Variants in SV2C observed in about 807,000 individuals in gnomAD.
SV2C encodes the protein solute carrier family 22 member B3.
Under a neutral mutation model 79.7 loss-of-function variants are expected in SV2C, and 49 were observed. The ratio of observed to expected loss-of-function variants is 0.61; its 90% CI spans 0.49 to 0.78. The LOEUF is 0.78. SV2C is among the 30% of genes least tolerant of loss of function. SV2C has a pLI of 0.00. For missense variants in SV2C, 833 were observed against 912.9 expected, an observed-to-expected ratio of 0.91 and a Z score of 1.13; for synonymous variants, 334 against 333.2, an observed-to-expected ratio of 1.00 and a Z score of -0.03.
chr5:75,879,141 C>A, the SV2C span, among the ~76,000 whole-genome samples: 3 of 152,190 alleles, frequency 2.0e-5, no homozygotes, highest in Non-Finnish European at 2.9e-5. Context: ...CAAGGCCCCA[C>A]CTTCAACACC....
At chr5:76,172,274 G>A (rs1580326977) in intron 2 of SV2C, among the ~76,000 whole-genome samples, 3 of 107,202 alleles carry the variant, frequency 2.8e-5, no homozygotes, top group Non-Finnish European at 4.1e-5. Flanking sequence ...CAGCCGCCCC[G>A]TCCGGGAGGG....
chr5:76,201,839 A>C (rs1292679581), intron 3 of SV2C, among the ~76,000 whole-genome samples: 1 of 152,026 alleles, frequency 6.6e-6, no homozygotes, highest in African/African-American at 2.4e-5. Context: ...TAACATGGTG[A>C]AACCCCGTCT....
chr5:76,049,019 G>GAA, the SV2C span, among the ~76,000 whole-genome samples: 2 of 89,262 alleles, frequency 2.2e-5, no homozygotes, highest in Non-Finnish European at 4.4e-5. Context: ...AAGAAAGAAA[G>GAA]AAAGAAAAAG....
Position 76,300,911 on chromosome 5 carries a change from A to G in SV2C, c.1819A>G (p.Ile607Val), listed in dbSNP as rs1171062171. ...NIVSALLMDR[I>V]GRLTMLGGSM... ...TGTGTCTGCTCTGCTGATGGACAGA[A>G]TTGGGCGCTTAACAATGCTAGGTAT... The change falls in exon 11 of 13, where the codon ATT becomes GTT. Residue 607 changes from isoleucine to valine, a missense_variant. By Grantham distance (29) the Ile-to-Val change is conservative. Transcript: ENST00000502798. The G allele has an allele frequency of 6.2e-7, 1 of 1,614,116 alleles. No individual in the cohort carries two copies. The highest frequency in any genetic ancestry group is 1.1e-5 in the South Asian group (1 of 91,086).
At chr5:75,939,142 C>A in the SV2C span, among the ~76,000 whole-genome samples, 1 of 152,274 alleles carries the variant, frequency 6.6e-6, no homozygotes, top group South Asian at 2.1e-4. Flanking sequence ...TATACTCCAG[C>A]CCCAGCCTCC....
chr5:75,895,052 C>T, the SV2C span, among the ~76,000 whole-genome samples: 15 of 152,206 alleles, frequency 9.9e-5, no homozygotes, highest in East Asian at 1.2e-3. Flanking sequence ...CTGATCACTA[C>T]GCTTACCAAG....
chr5:76,240,936 A>G (rs1745764540), intron 4 of SV2C, among the ~76,000 whole-genome samples: 1 of 152,216 alleles, frequency 6.6e-6, no homozygotes, highest in Non-Finnish European at 1.5e-5. Flanking sequence ...TATTAAAAAT[A>G]CAAACTCCCA....
At chr5:76,010,914 TG>T in the SV2C span, among the ~76,000 whole-genome samples, 1 of 152,168 alleles carries the variant, frequency 6.6e-6, no homozygotes, top group South Asian at 2.1e-4. Flanking sequence ...ATTTTACTGG[TG>T]GGCTCATTGA....
Position 76,301,542 on chromosome 5 carries a change from G to C in SV2C, c.1997G>C (p.Arg666Pro). Residue 666 changes from arginine (R) to proline (P), a missense_variant, in exon 12 of 13, where the codon CGG becomes CCG. Physicochemically the swap from Arg to Pro is moderately radical, Grantham distance 103. Coordinates refer to ENST00000502798, the MANE Select transcript of SV2C (RefSeq NM_014979.4). ...ACTGTGGAACTGTACCCCACAGACC[G>C]GAGGTATGTTGAAATGGGCCTCTAG... is the stretch of plus-strand genomic sequence containing the variant. ...VVTVELYPTD[R>P]RATGFGFLNA... The C allele has an allele frequency of 6.2e-7, 1 of 1,611,930 alleles. No individual in the cohort carries two copies. The highest frequency in any genetic ancestry group is 8.5e-7 in the Non-Finnish European group (1 of 1,178,778).
downstream of SV2C, among the ~76,000 whole-genome samples, chr5:76,337,082 G>C (rs917716353): frequency 1.6e-4 from 25 of 152,224 alleles, no homozygotes; most frequent in South Asian, 1.5e-3. Flanking sequence ...ATCATTATCT[G>C]TATTGTTTGC....
chr5:76,203,302 T>G, intron 3 of SV2C, among the ~76,000 whole-genome samples: 1 of 150,324 alleles, frequency 6.7e-6, no homozygotes, highest in African/African-American at 2.5e-5. Flanking sequence ...GGTGAGGGGG[T>G]GGATAGAGGG....
upstream of SV2C, chr5:76,078,647 G>T: frequency 2.4e-6 from 1 of 423,816 alleles, no homozygotes; most frequent in South Asian, 2.1e-5. Context: ...GCATGGCACA[G>T]GGAGGGCCTC....
the SV2C span, among the ~76,000 whole-genome samples, chr5:76,037,044 T>C: frequency 6.6e-6 from 1 of 152,242 alleles, no homozygotes; most frequent in African/African-American, 2.4e-5. Context: ...CATCAGCTCC[T>C]GAGGCTTCTG....
the SV2C span, chr5:75,911,536 G>C: frequency 1.6e-5 from 11 of 669,264 alleles, no homozygotes; most frequent in Non-Finnish European, 3.0e-5. Flanking sequence ...CTTGGGGACT[G>C]AGACTCCAAG....
the SV2C span, among the ~76,000 whole-genome samples, chr5:75,903,911 A>G: frequency 6.6e-6 from 1 of 152,198 alleles, no homozygotes; most frequent in Non-Finnish European, 1.5e-5. Context: ...GAGATTTAAA[A>G]TTTTGTTTAC....
the SV2C span, among the ~76,000 whole-genome samples, chr5:75,971,614 A>G: frequency 6.6e-6 from 1 of 152,134 alleles, no homozygotes; most frequent in African/African-American, 2.4e-5. Context: ...AATCTAACTT[A>G]CAAGGGACAT....
chr5:76,019,446 G>A, the SV2C span, among the ~76,000 whole-genome samples: 7 of 152,274 alleles, frequency 4.6e-5, no homozygotes, highest in South Asian at 6.2e-4. Context: ...CAGCTTGAGC[G>A]TTGTACTGAG....
At chr5:76,241,904 G>A in intron 4 of SV2C, 1 of 659,988 alleles carries the variant, frequency 1.5e-6, no homozygotes, top group Non-Finnish European at 2.6e-6. Flanking sequence ...TAACAACATA[G>A]CTTTAAAAAA....
At chr5:76,005,790 G>C in the SV2C span, among the ~76,000 whole-genome samples, 1 of 152,178 alleles carries the variant, frequency 6.6e-6, no homozygotes, top group East Asian at 1.9e-4. Flanking sequence ...GAGTTCCAGT[G>C]ACATCATTTC....
Sources: gnomAD v4.1 joint callset for allele counts (sites outside exome capture counted in the v4.1 genomes callset) on GRCh38, gnomAD v4.1.1 for gene constraint, MANE v1.5 for transcripts, NCBI Gene and HGNC (gene_info 2026-07-23, HGNC 2026-07-21) for gene names.